Variants in PDS5B observed in about 807,000 individuals in gnomAD.
PDS5B encodes the protein PDS5 cohesin associated factor B.
A neutral mutation model predicts 184.1 loss-of-function variants in PDS5B; 51 were observed. That is an observed-to-expected ratio of 0.28 (90% CI 0.22 to 0.35). PDS5B has a LOEUF of 0.35. Among genes scored for constraint, PDS5B ranks in the 10% least tolerant of loss-of-function variants. The pLI is 1.00. For missense variants in PDS5B, 1,180 were observed against 1,723.3 expected, an observed-to-expected ratio of 0.68 and a Z score of 5.58; for synonymous variants, 566 against 569.2, an observed-to-expected ratio of 0.99 and a Z score of 0.08.
chr13:32,706,475 A>G (rs1033300715), intron 17 of PDS5B, among the ~76,000 whole-genome samples: 1 of 152,094 alleles, frequency 6.6e-6, no homozygotes, highest in Non-Finnish European at 1.5e-5. Flanking sequence ...AGGCCTAGGT[A>G]TATTTCTGAC....
chr13:32,684,281 G>C (rs549151866), intron 11 of PDS5B, among the ~76,000 whole-genome samples: 5 of 152,222 alleles, frequency 3.3e-5, no homozygotes, highest in African/African-American at 1.2e-4. Flanking sequence ...TGTTTATCCT[G>C]TATACCAGTG....
In PDS5B at chr13:32,675,965, T is replaced by G. The variant is rs1345363491; in HGVS notation, c.962+6T>G. 6.3e-6 allele frequency: 10 copies of G among 1,574,834 alleles called. No homozygotes were observed. Among genetic ancestry groups the G allele is most frequent in the Non-Finnish European group, 8.7e-6 (10 of 1,144,958 alleles). Reference sequence around the variant, plus strand: ...TGGCAGTGCTACTTGGGCAGGTATATGATTTTGGTTTCCCATTTAAAAGTA... The same window carrying G: ...TGGCAGTGCTACTTGGGCAGGTATAGGATTTTGGTTTCCCATTTAAAAGTA... On this transcript the variant is annotated splice_donor_region_variant and intron_variant, in intron 9 of 34. Coordinates refer to ENST00000315596, the MANE Select transcript of PDS5B (RefSeq NM_015032.4).
chr13:32,712,326 TGAG>T (rs1952234854), intron 19 of PDS5B, among the ~76,000 whole-genome samples: 1 of 152,234 alleles, frequency 6.6e-6, no homozygotes, highest in Non-Finnish European at 1.5e-5. Context: ...ATACTTCTCA[TGAG>T]GAGAATTAAC....
intron 3 of PDS5B, chr13:32,652,730 G>C (rs1200302684): frequency 1.3e-5 from 2 of 150,114 alleles, no homozygotes; most frequent in Non-Finnish European, 3.0e-5. Flanking sequence ...CTGCATTCCA[G>C]CCTGGGCTGA....
intron 12 of PDS5B, 29 bp from the exon 13 acceptor site, chr13:32,688,427 A>G (rs1951455829): frequency 8.8e-7 from 1 of 1,136,804 alleles, no homozygotes; most frequent in African/African-American, 1.6e-5. Context: ...GAAAAAAATC[A>G]ATACAATGCC....
chr13:32,656,499 C>T (rs764600844), intron 3 of PDS5B, among the ~76,000 whole-genome samples: 8 of 150,934 alleles, frequency 5.3e-5, no homozygotes, highest in Non-Finnish European at 1.2e-4. Flanking sequence ...GTTGTGTCAT[C>T]TGTGGTTTCT....
chr13:32,728,458 A>G (rs202168095), intron 19 of PDS5B, among the ~76,000 whole-genome samples: 34,498 of 151,988 alleles, frequency 0.23, 4,237 homozygotes, highest in South Asian at 0.37. Flanking sequence ...TTTTCCTCCT[A>G]ACACGATTGA....
intron 19 of PDS5B, among the ~76,000 whole-genome samples, chr13:32,711,887 A>G (rs897336538): frequency 2.0e-5 from 3 of 152,202 alleles, no homozygotes; most frequent in Admixed American, 2.0e-4. Context: ...GTCTCATTTA[A>G]ACATTGTAAC....
chr13:32,694,354 A>G, intron 14 of PDS5B, 50 bp downstream of exon 14: 1 of 1,097,364 alleles, frequency 9.1e-7, no homozygotes, highest in Non-Finnish European at 1.4e-6. Flanking sequence ...ATGTATTTTA[A>G]TTACTATTTA....
At chr13:32,671,866 G>A (rs762443136) in intron 7 of PDS5B, among the ~76,000 whole-genome samples, 10 of 152,160 alleles carry the variant, frequency 6.6e-5, no homozygotes, top group South Asian at 6.2e-4. Flanking sequence ...CTCCTTCTCC[G>A]CTGAGACTCA....
At chr13:32,644,246 T>C (rs1950167013) in intron 1 of PDS5B, among the ~76,000 whole-genome samples, 1 of 152,196 alleles carries the variant, frequency 6.6e-6, no homozygotes, top group South Asian at 2.1e-4. Context: ...TTTTTGACTT[T>C]ATGATGGTGT....
intron 24 of PDS5B, among the ~76,000 whole-genome samples, chr13:32,747,686 T>TC (rs1389622996): frequency 1.3e-5 from 2 of 152,170 alleles, no homozygotes; most frequent in Non-Finnish European, 2.9e-5. Context: ...CTGAAAATTG[T>TC]TTAAAAAGCA....
In PDS5B at chr13:32,659,140, G is replaced by T. The variant is rs1324336468; in HGVS notation, c.498-14G>T. On this transcript the variant is annotated splice_polypyrimidine_tract_variant and intron_variant, in intron 5 of 34. Transcript: ENST00000315596. ...CTCAGTTGTAATTGAAACAAAATCT[G>T]TTTTGAATTGCAGCAATGGCCACAA... The T allele has an allele frequency of 6.6e-7, 1 of 1,517,866 alleles. No individual in the cohort carries two copies. The highest frequency in any genetic ancestry group is 1.4e-5 in the South Asian group (1 of 72,376). The allele number at this position is 1,517,866 out of a possible 1,614,324, so 94.0% of individuals were successfully genotyped here.
chr13:32,634,313 C>T (rs1394740164), intron 1 of PDS5B, among the ~76,000 whole-genome samples: 1 of 152,154 alleles, frequency 6.6e-6, no homozygotes, highest in East Asian at 1.9e-4. Context: ...TTTATAACAC[C>T]TTCACCAATA....
intron 1 of PDS5B, among the ~76,000 whole-genome samples, chr13:32,595,948 A>T (rs1332856934): frequency 2.6e-5 from 4 of 152,246 alleles, no homozygotes; most frequent in Non-Finnish European, 5.9e-5. Context: ...GTAGATGATG[A>T]ATATTTATTG....
At position 32,699,270 on chromosome 13, in the gene PDS5B, C is replaced by T. The variant is rs1172868436; in HGVS notation, c.1601-460C>T. Among the ~76,000 whole-genome samples the T allele has an allele frequency of 2.6e-5, 4 of 152,144 alleles. 1 individual carries two copies. The highest frequency in any genetic ancestry group is 2.6e-4 in the Admixed American group (4 of 15,272). On this transcript the variant is annotated intron_variant, in intron 15 of 34. Coordinates refer to ENST00000315596, the MANE Select transcript of PDS5B (RefSeq NM_015032.4). The stretch of plus-strand genomic sequence containing the variant: ...TGGATAGGTTGCTCAGTATATATCA[C>T]TGCTAGATACATGCATGTATATGTA...
chr13:32,670,409 G>T (rs1408945993), intron 7 of PDS5B, among the ~76,000 whole-genome samples: 1 of 152,172 alleles, frequency 6.6e-6, no homozygotes, highest in African/African-American at 2.4e-5. Flanking sequence ...AAAACTTTTT[G>T]TAGAGACAGG....
intron 26 of PDS5B, 92 bp from the exon 27 acceptor site, chr13:32,757,995 G>T (rs577908944): frequency 5.9e-6 from 3 of 504,524 alleles, no homozygotes; most frequent in Non-Finnish European, 3.2e-6. Context: ...TATTATCTAG[G>T]TTTGTTATAT....
At chr13:32,748,086 A>G (rs1953826007) in intron 24 of PDS5B, among the ~76,000 whole-genome samples, 2 of 152,250 alleles carry the variant, frequency 1.3e-5, no homozygotes, top group Admixed American at 1.3e-4. Flanking sequence ...AACATGTGTC[A>G]GTGGTTAAAA....
Sources: gnomAD v4.1 joint callset for allele counts (sites outside exome capture counted in the v4.1 genomes callset) on GRCh38, gnomAD v4.1.1 for gene constraint, MANE v1.5 for transcripts, NCBI Gene and HGNC (gene_info 2026-07-23, HGNC 2026-07-21) for gene names.